The following DPP6 variants were observed in gnomAD, a reference collection of about 807,000 sequenced individuals.
The protein encoded by DPP6 is dipeptidyl peptidase like 6.
DPP6 carries 69 observed loss-of-function variants against 122.6 expected under a neutral mutation model. The observed-to-expected ratio is 0.56, with a 90% CI of 0.46 to 0.69. DPP6 has a LOEUF of 0.69. DPP6 is among the 30% of genes least tolerant of loss of function. DPP6 has a pLI of 0.00. For missense variants in DPP6, 928 were observed against 1,116.9 expected (o/e 0.83, Z 2.41); for synonymous variants, 418 against 433.1 (o/e 0.97, Z 0.43).
chr7:154,562,458 A>G (rs1418092199), intron 4 of DPP6, among the ~76,000 whole-genome samples: 2 of 152,172 alleles, frequency 1.3e-5, no homozygotes, highest in Non-Finnish European at 2.9e-5. Flanking sequence ...CAACCTGATA[A>G]AAGATATCTA....
At chr7:154,308,435 G>GAGAAA (rs1806566106) in intron 1 of DPP6, among the ~76,000 whole-genome samples, 3 of 152,084 alleles carry the variant, frequency 2.0e-5, no homozygotes, top group African/African-American at 7.2e-5. Flanking sequence ...CTTTCTCTTT[G>GAGAAA]GAGATGCTAA....
chr7:153,900,180 C>T (rs1799583785), intron 1 of DPP6, among the ~76,000 whole-genome samples: 1 of 151,578 alleles, frequency 6.6e-6, no homozygotes. Flanking sequence ...GGTGAAGTGC[C>T]AGTGATTTCA....
chr7:153,926,811 A>AAG (rs1335764628), intron 1 of DPP6, among the ~76,000 whole-genome samples: 51 of 129,212 alleles, frequency 3.9e-4, no homozygotes, highest in African/African-American at 1.4e-3. Flanking sequence ...TTTGTAAAAA[A>AAG]AAGAAAAAAA....
At chr7:154,289,240 G>A (rs994737249) in intron 1 of DPP6, among the ~76,000 whole-genome samples, 2 of 152,196 alleles carry the variant, frequency 1.3e-5, no homozygotes, top group African/African-American at 4.8e-5. Context: ...AAATATTTCC[G>A]AGACTTGATA....
chr7:154,834,593 T>C (rs140289741), intron 16 of DPP6, among the ~76,000 whole-genome samples: 236 of 152,330 alleles, frequency 1.5e-3, no homozygotes, highest in Admixed American at 4.4e-3. Context: ...GAAACGACAC[T>C]ATTGTTCACA....
At chr7:154,080,791 A>G (rs1250223781) in intron 1 of DPP6, among the ~76,000 whole-genome samples, 3 of 152,144 alleles carry the variant, frequency 2.0e-5, no homozygotes, top group Non-Finnish European at 1.5e-5. Flanking sequence ...GTCTTGATGG[A>G]TGAAGCTAAC....
intron 2 of DPP6, among the ~76,000 whole-genome samples, chr7:154,449,452 T>C (rs1236131186): frequency 2.6e-5 from 4 of 152,034 alleles, no homozygotes; most frequent in Admixed American, 6.6e-5. Context: ...ATTCCCAGGA[T>C]ATAGAGAAAT....
Position 154,102,007 on chromosome 7 carries a change from G to A in DPP6, c.243+48944G>A, listed in dbSNP as rs576947470. On this transcript the variant is annotated intron_variant, in intron 1 of 25. Transcript: ENST00000377770. ...TACCGTCTTACTCATTTCTTCCTTC[G>A]TCACTCATTCATTCAGTAAACATTG... Among the ~76,000 whole-genome samples, 262 of 147,364 alleles carry A rather than the reference G, an allele frequency of 1.8e-3. 1 individual carries two copies. The highest frequency in any genetic ancestry group is 3.2e-3 in the Non-Finnish European group (218 of 67,616).
rs538039171 is a variant in DPP6, at chr7:154,624,998, A to G, written c.628-12823A>G. Among the ~76,000 whole-genome samples, 13 of 152,180 alleles carry G rather than the reference A, an allele frequency of 8.5e-5. No homozygotes were observed. Among genetic ancestry groups the G allele is most frequent in the Non-Finnish European group, 1.8e-4 (12 of 68,032 alleles). On this transcript the variant is annotated intron_variant, in intron 5 of 25. Coordinates refer to ENST00000377770, the MANE Select transcript of DPP6 (RefSeq NM_130797.4). This position sits in a 1 kb window ranked among gnomAD's most constrained non-coding sequence, Gnocchi z 4.7. ...TCACCATCACCCGGACACCAGTGGG[A>G]TTTATGTTGTGTGGATTAATGGCCA...
chr7:154,277,818 C>T (rs1804237779), intron 1 of DPP6, among the ~76,000 whole-genome samples: 1 of 152,208 alleles, frequency 6.6e-6, no homozygotes, highest in Non-Finnish European at 1.5e-5. Flanking sequence ...CTCTCTCTTG[C>T]TCCAGCAGTT....
At chr7:153,938,374 C>G (rs954165222) in intron 1 of DPP6, among the ~76,000 whole-genome samples, 1 of 152,198 alleles carries the variant, frequency 6.6e-6, no homozygotes. Flanking sequence ...ACATGGAAGT[C>G]TAGGGCAGGC....
At chr7:153,819,063 T>C in the DPP6 span, among the ~76,000 whole-genome samples, 146 of 94,398 alleles carry the variant, frequency 1.5e-3, 1 homozygote, top group South Asian at 5.0e-3. Context: ...TTTTTTTTTT[T>C]CCCCTTTTCT....
chr7:154,364,723 C>T (rs1812009752), intron 1 of DPP6, among the ~76,000 whole-genome samples: 1 of 152,156 alleles, frequency 6.6e-6, no homozygotes, highest in Non-Finnish European at 1.5e-5. Flanking sequence ...AACCAAATAC[C>T]TCTCTCATCT....
the DPP6 span, among the ~76,000 whole-genome samples, chr7:153,825,041 A>G: frequency 6.6e-6 from 1 of 152,060 alleles, no homozygotes; most frequent in Non-Finnish European, 1.5e-5. Context: ...CACGCTACTC[A>G]GCTGAGTAGC....
chr7:153,784,097 A>T, the DPP6 span, among the ~76,000 whole-genome samples: 2 of 152,316 alleles, frequency 1.3e-5, no homozygotes, highest in African/African-American at 2.4e-5. Context: ...AGATAATACA[A>T]TTAGTGCTCA....
chr7:153,785,865 C>T, the DPP6 span, among the ~76,000 whole-genome samples: 1 of 150,790 alleles, frequency 6.6e-6, no homozygotes, highest in South Asian at 2.1e-4. Context: ...TGCTATGTTG[C>T]CCAGCCTGTC....
intron 6 of DPP6, among the ~76,000 whole-genome samples, chr7:154,652,273 T>C (rs1367197474): frequency 6.6e-6 from 1 of 152,088 alleles, no homozygotes; most frequent in Non-Finnish European, 1.5e-5. Context: ...CGTTTTTTTT[T>C]TCCTATACTG....
intron 3 of DPP6, among the ~76,000 whole-genome samples, chr7:154,499,293 G>A (rs990897685): frequency 1.3e-5 from 2 of 152,036 alleles, no homozygotes; most frequent in African/African-American, 2.4e-5. Flanking sequence ...GCCCCCCTGC[G>A]GTACAAAGCA....
chr7:154,799,366 G>T (rs969051867), intron 12 of DPP6, among the ~76,000 whole-genome samples: 12 of 152,138 alleles, frequency 7.9e-5, no homozygotes, highest in Non-Finnish European at 1.6e-4. Context: ...AGAGAAGCAG[G>T]CAATCCCCCC....
Sources: allele counts gnomAD v4.1 joint callset (sites outside exome capture counted in the v4.1 genomes callset), GRCh38; gene constraint gnomAD v4.1.1; non-coding constraint Gnocchi (gnomAD v3.1); transcripts MANE v1.5; gene names NCBI Gene and HGNC (gene_info 2026-07-23, HGNC 2026-07-21).